The following LAMB1 variants were observed in gnomAD, a reference collection of about 807,000 sequenced individuals.
LAMB1 encodes the protein laminin subunit beta-1.
In LAMB1, 121 loss-of-function variants were observed where a neutral mutation model predicts 222.3. The ratio of observed to expected loss-of-function variants is 0.54; its 90% CI spans 0.47 to 0.63. The LOEUF (loss-of-function observed/expected upper bound fraction) is 0.63, where lower values mean the gene tolerates loss of function less well. Among genes scored for constraint, LAMB1 ranks in the 30% least tolerant of loss-of-function variants. The probability of loss-of-function intolerance (pLI) is 0.00; values close to 1 mark genes in which losing one functional copy is unlikely to be tolerated. For missense variants in LAMB1, 2,172 were observed against 2,240.8 expected (o/e 0.97, Z 0.62); for synonymous variants, 794 against 807.2 (o/e 0.98, Z 0.28).
rs1453357061 is a variant in LAMB1, at chr7:107,963,051, C to G, written c.1711G>C (p.Val571Leu). 1.2e-6 allele frequency: 2 copies of G among 1,612,558 alleles called. No individual in the cohort carries two copies. Among genetic ancestry groups the G allele is most frequent in the South Asian group, 1.1e-5 (1 of 90,896 alleles). ...CGGTCCTGGATATATTGCCGCTCCA[C>G]TATGCTAACCCCCTGAGGGCATGGC... is the stretch of plus-strand genomic sequence containing the variant. ...EANLGPGVSI[V>L]ERQYIQDRIP... Residue 571 changes from valine (V) to leucine (L), a missense_variant, in exon 15 of 34, where the codon GTG becomes CTG. Coordinates refer to ENST00000222399, the MANE Select transcript of LAMB1 (RefSeq NM_002291.3).
At chr7:107,936,525 A>T (rs1229322899) in intron 26 of LAMB1, among the ~76,000 whole-genome samples, 1 of 152,226 alleles carries the variant, frequency 6.6e-6, no homozygotes, top group Admixed American at 6.5e-5. Context: ...TCCCCCATGG[A>T]TACCAAGGGA....
intron 27 of LAMB1, among the ~76,000 whole-genome samples, chr7:107,935,052 A>G (rs2032807612): frequency 6.6e-6 from 1 of 152,082 alleles, no homozygotes; most frequent in Non-Finnish European, 1.5e-5. Context: ...CCCTGTCTCT[A>G]CTTAGGAAAA....
At chr7:107,966,995 T>C (rs571760194) in intron 13 of LAMB1, among the ~76,000 whole-genome samples, 1 of 152,310 alleles carries the variant, frequency 6.6e-6, no homozygotes, top group South Asian at 2.1e-4. Flanking sequence ...GGCTTTCCTA[T>C]GCAGATGGCC....
At chr7:107,931,968 TGAG>T (rs530690059) in intron 28 of LAMB1, among the ~76,000 whole-genome samples, 123 of 152,310 alleles carry the variant, frequency 8.1e-4, no homozygotes, top group African/African-American at 2.8e-3. Context: ...ATGTGTTGAG[TGAG>T]GAGAAAGCAA....
chr7:107,941,831 T>A (rs2032990071), intron 24 of LAMB1, among the ~76,000 whole-genome samples: 2 of 33,738 alleles, frequency 5.9e-5, no homozygotes, highest in South Asian at 2.0e-3. Context: ...GCTTTTTTTT[T>A]TTTTTTTTTT....
chr7:107,959,677 T>G lies in LAMB1; in HGVS notation c.2458+14A>C, dbSNP rs773048380. On this transcript the variant is annotated intron_variant, in intron 19 of 33. Coordinates refer to ENST00000222399, the MANE Select transcript of LAMB1 (RefSeq NM_002291.3). ...ATCTGAATGAATGCATAACAATGCT[T>G]TTGAGGAACCTACGTTTGCATCCAC... is the stretch of plus-strand genomic sequence containing the variant. 6.2e-7 allele frequency: 1 copy of G among 1,614,222 alleles called. No homozygotes were observed. Among genetic ancestry groups the G allele is most frequent in the South Asian group, 1.1e-5 (1 of 91,088 alleles).
At chr7:107,950,836 G>T (rs1025023605) in intron 24 of LAMB1, among the ~76,000 whole-genome samples, 6 of 152,122 alleles carry the variant, frequency 3.9e-5, no homozygotes, top group African/African-American at 1.4e-4. Context: ...GTTCAGAGGG[G>T]ATAAAAAGTC....
At chr7:107,947,514 C>T (rs552486846) in intron 24 of LAMB1, among the ~76,000 whole-genome samples, 11 of 152,196 alleles carry the variant, frequency 7.2e-5, no homozygotes, top group Non-Finnish European at 1.0e-4. Flanking sequence ...TGTTTCTAAT[C>T]GTGAATGCAT....
Position 107,929,205 on chromosome 7 carries a change from G to A in LAMB1, c.4746C>T (p.Ser1582=), listed in dbSNP as rs769815157. The A allele has an allele frequency of 3.7e-6, 6 of 1,613,760 alleles. No homozygotes were observed. The highest frequency in any genetic ancestry group is 2.2e-5 in the South Asian group (2 of 91,064). ...EMLLEEAKRA[S]KSATDVKVTA... ...TGACTTTAACATCTGTTGCACTTTT[G>A]CTGAGTAAAAAATAATGAGACAGTA... The change falls in exon 31 of 34, where the codon AGC becomes AGT. Residue 1582 remains serine (S), a splice_region_variant and synonymous_variant. Coordinates refer to ENST00000222399, the MANE Select transcript of LAMB1 (RefSeq NM_002291.3).
chr7:107,937,599 G>A (rs961478344), intron 25 of LAMB1, among the ~76,000 whole-genome samples: 2 of 152,140 alleles, frequency 1.3e-5, no homozygotes, highest in Non-Finnish European at 2.9e-5. Flanking sequence ...TCTATTCACA[G>A]GCAGCTTCAA....
At chr7:107,953,250 G>A (rs1008109127) in intron 22 of LAMB1, among the ~76,000 whole-genome samples, 7 of 151,870 alleles carry the variant, frequency 4.6e-5, no homozygotes, top group African/African-American at 7.2e-5. Context: ...CCACCTACTC[G>A]GGAGGCTGAG....
rs146380871 is a variant in LAMB1 at position 107,978,156 on chromosome 7, G to A, written c.891C>T (p.His297=). The part of the protein sequence containing the change: ...NEEVEGMVHG[H]CMCRHNTKGL... ...CCTTGGTGTTATGCCTGCACATGCA[G>A]TGTCCGTGAACCTTGAAAGTTATAA... The change falls in exon 9 of 34, where the codon CAC becomes CAT. Residue 297 remains histidine, a synonymous_variant. Transcript: ENST00000222399. The A allele has an allele frequency of 1.1e-4, 174 of 1,614,126 alleles. 1 individual carries two copies. The African/African-American group carries it at 2.0e-3, about 18-fold the overall frequency.
intron 20 of LAMB1, among the ~76,000 whole-genome samples, chr7:107,956,410 G>A (rs1292294204): frequency 6.6e-6 from 1 of 152,170 alleles, no homozygotes; most frequent in Non-Finnish European, 1.5e-5. Flanking sequence ...GTAGGTCCCC[G>A]ATAATATTGA....
At chr7:107,980,443 A>G (rs1451316222) in intron 8 of LAMB1, among the ~76,000 whole-genome samples, 166 bp downstream of exon 8, 1 of 152,226 alleles carries the variant, frequency 6.6e-6, no homozygotes, top group East Asian at 1.9e-4. Context: ...GAAACTCTTC[A>G]AAGAGAAAAT....
At chr7:108,002,120 C>T in intron 2 of LAMB1, 1 of 1,476,558 alleles carries the variant, frequency 6.8e-7, no homozygotes, top group Non-Finnish European at 9.0e-7. Flanking sequence ...CCCAAAGGGC[C>T]ACACACCCAC....
intron 9 of LAMB1, among the ~76,000 whole-genome samples, chr7:107,976,704 C>G (rs1000887283): frequency 2.0e-5 from 3 of 152,180 alleles, no homozygotes; most frequent in African/African-American, 7.2e-5. Flanking sequence ...TTGAAGTGAA[C>G]CTTGGAGTAA....
At position 107,961,375 on chromosome 7, in the gene LAMB1, A is replaced by G. The variant is rs183540418; in HGVS notation, c.1986-46T>C. 285 of 1,599,686 alleles carry G rather than the reference A, an allele frequency of 1.8e-4. 2 individuals are homozygous for G. The African/African-American group carries it at 3.4e-3, about 19-fold the overall frequency. On this transcript the variant is annotated intron_variant, in intron 16 of 33. Coordinates refer to ENST00000222399, the MANE Select transcript of LAMB1 (RefSeq NM_002291.3). ...AAGACAACAACGAAAGTCAACCTTCATGCATCCAAAAAATAAAAATTAAAA... is the reference window on the plus strand; with the variant it reads ...AAGACAACAACGAAAGTCAACCTTCGTGCATCCAAAAAATAAAAATTAAAA...
chr7:107,953,561 G>C lies in LAMB1; in HGVS notation c.3048C>G (p.Tyr1016Ter), dbSNP rs2033306681. Reference sequence around the variant, plus strand: ...AGTCCTGCTGGAGGGCATCACCATAGTATCCAAACCGGCAGAACTGACAGT... The same window carrying C: ...AGTCCTGCTGGAGGGCATCACCATACTATCCAAACCGGCAGAACTGACAGT... ...GEHCQFCRFG[Y>*]YGDALQQDCR... The change falls in exon 22 of 34, where the codon TAC becomes TAG. Residue 1016 changes from tyrosine (Y) to a stop codon, truncating the protein, a stop_gained. Coordinates refer to ENST00000222399, the MANE Select transcript of LAMB1 (RefSeq NM_002291.3). LOFTEE classifies it high-confidence loss of function. The C allele has an allele frequency of 6.2e-7, 1 of 1,614,098 alleles. No homozygotes were observed. The highest frequency in any genetic ancestry group is 8.5e-7 in the Non-Finnish European group (1 of 1,179,950).
chr7:107,954,181 G>A (rs144670532), intron 21 of LAMB1, among the ~76,000 whole-genome samples: 7 of 152,118 alleles, frequency 4.6e-5, no homozygotes, highest in African/African-American at 1.7e-4. Context: ...AAGACATGGG[G>A]CCTTGCTTTA....
Sources: gnomAD v4.1 joint callset for allele counts (sites outside exome capture counted in the v4.1 genomes callset) on GRCh38, gnomAD v4.1.1 for gene constraint, MANE v1.5 for transcripts, NCBI Gene and HGNC (gene_info 2026-07-23, HGNC 2026-07-21) for gene names.